DCAF12: variants seen among roughly 807,000 people sequenced by gnomAD.
DCAF12 encodes the protein DDB1 and CUL4 associated factor 12.
In DCAF12, 28 loss-of-function variants were observed where a neutral mutation model predicts 52.8. That is an observed-to-expected ratio of 0.53 (90% CI 0.39 to 0.73). The LOEUF (loss-of-function observed/expected upper bound fraction) is 0.73, where lower values mean the gene tolerates loss of function less well. Among genes scored for constraint, DCAF12 ranks in the 30% least tolerant of loss-of-function variants. DCAF12 has a pLI of 0.00. For synonymous variants in DCAF12, 196 were observed against 215.5 expected (o/e 0.91, Z 0.79); for missense variants, 425 against 552.2 (o/e 0.77, Z 2.31).
intron 7 of DCAF12, among the ~76,000 whole-genome samples, chr9:34,092,026 G>A (rs1210457311): frequency 6.6e-6 from 1 of 152,146 alleles, no homozygotes; most frequent in African/African-American, 2.4e-5. Flanking sequence ...AACCTTCAAA[G>A]TACACTAAAA....
intron 5 of DCAF12, among the ~76,000 whole-genome samples, chr9:34,097,536 G>A (rs941345693): frequency 6.6e-6 from 1 of 151,922 alleles, no homozygotes; most frequent in African/African-American, 2.4e-5. Flanking sequence ...GATTACAGGC[G>A]TGAGTCACTG....
chr9:34,115,852 C>T (rs1829080321), intron 2 of DCAF12, among the ~76,000 whole-genome samples: 1 of 152,094 alleles, frequency 6.6e-6, no homozygotes, highest in African/African-American at 2.4e-5. Flanking sequence ...TGCGGGATTA[C>T]AGACATAAGC....
intron 4 of DCAF12, among the ~76,000 whole-genome samples, chr9:34,098,912 G>A (rs1213197102): frequency 2.0e-5 from 3 of 151,502 alleles, no homozygotes; most frequent in African/African-American, 7.3e-5. Flanking sequence ...GGGATTACAG[G>A]TGCCTGCTCC....
At chr9:34,106,412 C>T (rs10971917) in intron 4 of DCAF12, 22 bp downstream of exon 4, 367,392 of 1,584,422 alleles carry the variant, frequency 0.23, 43,591 homozygotes, top group Admixed American at 0.29. Flanking sequence ...ATCAAAAGCT[C>T]CCTATAAAAG....
At chr9:34,115,095 A>G (rs1829064005) in intron 2 of DCAF12, among the ~76,000 whole-genome samples, 1 of 152,176 alleles carries the variant, frequency 6.6e-6, no homozygotes, top group African/African-American at 2.4e-5. Context: ...CACACAGACA[A>G]CAAGACACAC....
At chr9:34,089,310 G>A in intron 8 of DCAF12, 102 bp downstream of exon 8, 1 of 1,324,808 alleles carries the variant, frequency 7.5e-7, no homozygotes, top group Admixed American at 2.4e-5. Flanking sequence ...TCTTACTAGT[G>A]AAAAAGTATG....
At chr9:34,103,353 G>A (rs1434372099) in intron 4 of DCAF12, among the ~76,000 whole-genome samples, 1 of 150,826 alleles carries the variant, frequency 6.6e-6, no homozygotes, top group Non-Finnish European at 1.5e-5. Context: ...GTTGCAGTGA[G>A]CTAAGACATG....
intron 2 of DCAF12, among the ~76,000 whole-genome samples, chr9:34,115,393 C>T (rs1033646100): frequency 4.5e-5 from 6 of 134,438 alleles, no homozygotes; most frequent in African/African-American, 1.6e-4. Context: ...AGATCGAGAC[C>T]ATCCTGGCTA....
intron 7 of DCAF12, among the ~76,000 whole-genome samples, chr9:34,091,970 G>C (rs1386274565): frequency 6.6e-6 from 1 of 152,120 alleles, no homozygotes; most frequent in Non-Finnish European, 1.5e-5. Flanking sequence ...GCTTCCCACA[G>C]GGTTCTTGGT....
intron 2 of DCAF12, among the ~76,000 whole-genome samples, chr9:34,124,660 G>A (rs1447975650): frequency 1.3e-5 from 2 of 152,076 alleles, no homozygotes; most frequent in Non-Finnish European, 2.9e-5. Context: ...TCACTATTAT[G>A]TATCCTGAAT....
In DCAF12 at chr9:34,118,266, C is replaced by T. The variant is rs191431069; in HGVS notation, c.333+6757G>A. Among the ~76,000 whole-genome samples the T allele has an allele frequency of 1.7e-3, 264 of 152,136 alleles. 2 individuals carry two copies. Among genetic ancestry groups the T allele is most frequent in the Non-Finnish European group, 3.1e-3 (210 of 67,996 alleles). On this transcript the variant is annotated intron_variant, in intron 2 of 8. Transcript: ENST00000361264. ...GTCCTGACTCAGACTCCCGAGTAGC[C>T]GGGACCACAGGCATGCGGCATCATG...
intron 2 of DCAF12, among the ~76,000 whole-genome samples, chr9:34,121,620 C>A (rs546517281): frequency 3.8e-4 from 58 of 152,004 alleles, no homozygotes; most frequent in African/African-American, 1.4e-3. Flanking sequence ...TCCTTCTCCT[C>A]AAATCACACC....
chr9:34,107,441 G>A lies in DCAF12; in HGVS notation c.458C>T (p.Thr153Ile). The A allele has an allele frequency of 1.2e-6, 2 of 1,614,182 alleles. No homozygotes were observed. The highest frequency in any genetic ancestry group is 1.7e-6 in the Non-Finnish European group (2 of 1,180,038). ...GTTGTCTCCTCCAGTGGCTAGCAGT[G>A]TTCTAGAAGGATTCAGCTCGATGGC... ...IHAIELNPSRTLLATGGDNPN... is the reference protein window; with the variant it reads ...IHAIELNPSRILLATGGDNPN... The change falls in exon 3 of 9, where the codon ACA (threonine) becomes ATA (isoleucine). Residue 153 changes from threonine to isoleucine, a missense_variant. Coordinates refer to ENST00000361264, the MANE Select transcript of DCAF12 (RefSeq NM_015397.4).
At chr9:34,089,110 C>CAAAA (rs771038838) in intron 8 of DCAF12, among the ~76,000 whole-genome samples, 2 of 92,472 alleles carry the variant, frequency 2.2e-5, no homozygotes, top group African/African-American at 3.9e-5. Context: ...GACCCTGTCT[C>CAAAA]AAAAAAAAAA....
At chr9:34,089,852 C>G in intron 7 of DCAF12, 1 of 349,496 alleles carries the variant, frequency 2.9e-6, no homozygotes, top group Non-Finnish European at 5.2e-6. Flanking sequence ...CGATGATGCT[C>G]AAGATGCTTT....
intron 4 of DCAF12, among the ~76,000 whole-genome samples, chr9:34,103,070 G>C (rs1001649657): frequency 7.5e-6 from 1 of 132,692 alleles, no homozygotes; most frequent in Non-Finnish European, 1.6e-5. Context: ...ATTCCATCCT[G>C]GGTGACAGGG....
rs7871667 is a variant in DCAF12, at chr9:34,115,354, G to A, written c.334-7789C>T. Among the ~76,000 whole-genome samples the A allele has an allele frequency of 5.8e-4, 87 of 150,994 alleles. 1 individual carries two copies. The highest frequency in any genetic ancestry group is 1.9e-3 in the African/African-American group (78 of 41,136). ...CACCTGTAATCCCAGCACTTTGGGA[G>A]GCCGAGGCGGGCGGATCACGAGGTC... is the stretch of plus-strand genomic sequence containing the variant. On this transcript the variant is annotated intron_variant, in intron 2 of 8. Transcript: ENST00000361264.
At chr9:34,106,770 C>T (rs915041583) in intron 3 of DCAF12, among the ~76,000 whole-genome samples, 1 of 152,150 alleles carries the variant, frequency 6.6e-6, no homozygotes, top group African/African-American at 2.4e-5. Flanking sequence ...ATCTGGAACT[C>T]TCTTCCTCCA....
intron 2 of DCAF12, 83 bp from the exon 3 acceptor site, chr9:34,107,648 T>G (rs1282541960): frequency 1.1e-5 from 13 of 1,192,552 alleles, no homozygotes; most frequent in Non-Finnish European, 1.5e-5. Context: ...GTTCAACTGT[T>G]CATCAACATT....
Sources: gnomAD v4.1 joint callset for allele counts (sites outside exome capture counted in the v4.1 genomes callset) on GRCh38, gnomAD v4.1.1 for gene constraint, MANE v1.5 for transcripts, NCBI Gene and HGNC (gene_info 2026-07-23, HGNC 2026-07-21) for gene names.